TM9SF4: variants seen among roughly 807,000 people sequenced by gnomAD.
TM9SF4 encodes transmembrane 9 superfamily member 4.
Under a neutral mutation model 90.4 loss-of-function variants are expected in TM9SF4, and 26 were observed. That is an observed-to-expected ratio of 0.29 (90% confidence interval 0.21 to 0.40). The LOEUF (loss-of-function observed/expected upper bound fraction) is 0.40, where lower values mean the gene tolerates loss of function less well. Among genes scored for constraint, TM9SF4 ranks in the 10% least tolerant of loss-of-function variants. The pLI is 1.00. For missense variants in TM9SF4, 549 were observed against 834.8 expected (o/e 0.66, Z 4.22); for synonymous variants, 293 against 315.4 (o/e 0.93, Z 0.75).
chr20:32,116,568 T>C (rs1418355892), intron 1 of TM9SF4: 1 of 152,286 alleles, frequency 6.6e-6, no homozygotes, highest in African/African-American at 2.4e-5. Context: ...GTCTTTCATG[T>C]GTCTCTGTTC....
At chr20:32,163,268 A>AAAAAAATATATATATAT (rs1555886757) in intron 17 of TM9SF4, among the ~76,000 whole-genome samples, 1 of 74,478 alleles carries the variant, frequency 1.3e-5, no homozygotes, top group Non-Finnish European at 2.5e-5. Flanking sequence ...AAAAAAAAAA[A>AAAAAAATATATATATAT]ATATATATAT....
rs540170029 is a variant in TM9SF4, at chr20:32,144,331, C to CA, written c.653-759dup. Among the ~76,000 whole-genome samples the CA allele has an allele frequency of 1.6e-4, 25 of 152,322 alleles. No homozygotes were observed. The East Asian group carries it at 2.5e-3, about 15-fold the overall frequency. On this transcript the variant is annotated intron_variant, in intron 6 of 17. Coordinates refer to ENST00000398022, the MANE Select transcript of TM9SF4 (RefSeq NM_014742.4). ...GTTGGTTGAATGAGTAGATGGATAA[C>CA]AGGATGAACAGATGAGCAAATGAAT...
intron 1 of TM9SF4, among the ~76,000 whole-genome samples, chr20:32,121,038 C>A (rs1053730236): frequency 6.6e-6 from 1 of 152,056 alleles, no homozygotes. Context: ...AGAATTTTTT[C>A]ATCTGTTCAT....
intron 6 of TM9SF4, among the ~76,000 whole-genome samples, chr20:32,143,349 G>A (rs1438930664): frequency 6.6e-6 from 1 of 152,216 alleles, no homozygotes; most frequent in Admixed American, 6.5e-5. Context: ...CAGGAGGTAC[G>A]TGATGATTAC....
In TM9SF4 at chr20:32,159,766, A is replaced by G. The variant is rs911305306; in HGVS notation, c.1570-226A>G. 16 of 569,522 alleles carry G rather than the reference A, an allele frequency of 2.8e-5. No homozygotes were observed. In the African/African-American group the frequency reaches 3.0e-4, roughly 11 times the overall value. The allele number at this position is 569,522 out of a possible 1,614,324, so 35.3% of individuals were successfully genotyped here. ...TTATTTTCTACAAGCTGCTGAGTTC[A>G]GGCTGGGGTCTACCCAGAGCAGGTC... On this transcript the variant is annotated intron_variant, in intron 15 of 17. Coordinates refer to ENST00000398022, the MANE Select transcript of TM9SF4 (RefSeq NM_014742.4).
intron 8 of TM9SF4, among the ~76,000 whole-genome samples, chr20:32,146,184 TGTTAA>T (rs1167866596): frequency 2.0e-5 from 3 of 152,050 alleles, no homozygotes; most frequent in Non-Finnish European, 2.9e-5. Context: ...GGCCCGAAAA[TGTTAA>T]GTGAACTCAA....
At chr20:32,161,161 T>G in intron 16 of TM9SF4, 115 bp from the exon 17 acceptor site, 1 of 764,488 alleles carries the variant, frequency 1.3e-6, no homozygotes, top group Non-Finnish European at 2.2e-6. Flanking sequence ...AACATTTCCA[T>G]CACCCCATAT....
At chr20:32,145,014 G>C in intron 6 of TM9SF4, 77 bp from the exon 7 acceptor site, 1 of 1,417,974 alleles carries the variant, frequency 7.1e-7, no homozygotes, top group African/African-American at 1.4e-5. Context: ...AGGCAGCCTT[G>C]AGGGCAGCCC....
Position 32,112,536 on chromosome 20 carries a change from A to G in TM9SF4, c.15+2781A>G, listed in dbSNP as rs117802617. 3.7e-3 allele frequency among the ~76,000 whole-genome samples: 567 copies of G among 152,222 alleles called. 1 individual carries two copies. The highest frequency in any genetic ancestry group is 0.017 in the Middle Eastern group (5 of 292). On this transcript the variant is annotated intron_variant, in intron 1 of 17. Coordinates refer to ENST00000398022, the MANE Select transcript of TM9SF4 (RefSeq NM_014742.4). ...CATGGCGAAACCCTGTCTTCTAAAA[A>G]TACAAAAATTAGCAGGGTGTGGTGG... is the stretch of plus-strand genomic sequence containing the variant.
chr20:32,129,764 T>C (rs1241226397), intron 1 of TM9SF4, among the ~76,000 whole-genome samples: 5 of 152,128 alleles, frequency 3.3e-5, no homozygotes, highest in African/African-American at 1.2e-4. Context: ...TTTGTTCTTT[T>C]AGTAGAGATG....
intron 13 of TM9SF4, 75 bp downstream of exon 13, chr20:32,155,261 G>A (rs975054122): frequency 8.4e-7 from 1 of 1,186,474 alleles, no homozygotes. Flanking sequence ...ACTCCCAAAA[G>A]CCACTTCCTG....
chr20:32,120,415 G>A (rs993385101), intron 1 of TM9SF4, among the ~76,000 whole-genome samples: 2 of 61,946 alleles, frequency 3.2e-5, no homozygotes, highest in African/African-American at 1.5e-4. Flanking sequence ...TTTTTTTTTA[G>A]TTTTAGTTTT....
At chr20:32,164,621 G>A (rs1334529184) in intron 17 of TM9SF4, among the ~76,000 whole-genome samples, 2 of 152,162 alleles carry the variant, frequency 1.3e-5, no homozygotes, top group African/African-American at 4.8e-5. Context: ...TGTTTTCTTT[G>A]TTTCTTTACT....
intron 1 of TM9SF4, among the ~76,000 whole-genome samples, chr20:32,122,040 A>C (rs1264342278): frequency 5.7e-5 from 5 of 88,314 alleles, no homozygotes; most frequent in Admixed American, 1.2e-4. Flanking sequence ...TGACCCCCCC[A>C]CCTCCCTCCG....
At chr20:32,122,200 C>T (rs1195994218) in intron 1 of TM9SF4, among the ~76,000 whole-genome samples, 9 of 100,590 alleles carry the variant, frequency 8.9e-5, no homozygotes, top group African/African-American at 3.1e-4. Context: ...CTGGCCGGGC[C>T]GGGGGCTGAT....
At chr20:32,142,020 T>G (rs1350630017) in intron 5 of TM9SF4, 125 bp downstream of exon 5, 3 of 1,491,328 alleles carry the variant, frequency 2.0e-6, no homozygotes, top group Admixed American at 3.8e-5. Context: ...GGCATGATGG[T>G]CTGTCAGAGG....
intron 9 of TM9SF4, among the ~76,000 whole-genome samples, chr20:32,147,532 T>A (rs376667454): frequency 4.1e-4 from 63 of 152,164 alleles, no homozygotes; most frequent in African/African-American, 1.5e-3. Context: ...TTTAAAGAAT[T>A]CATGCAAAAT....
intron 1 of TM9SF4, among the ~76,000 whole-genome samples, chr20:32,132,521 C>T (rs1600804295): frequency 6.6e-6 from 1 of 152,220 alleles, no homozygotes; most frequent in Non-Finnish European, 1.5e-5. Context: ...CAAGGAGGCC[C>T]GTGTGGCTGA....
At chr20:32,149,826 G>T in intron 10 of TM9SF4, 60 bp downstream of exon 10, 1 of 1,598,430 alleles carries the variant, frequency 6.3e-7, no homozygotes. Flanking sequence ...GGTGCCTCAA[G>T]GAGAGAAGGG....
Sources: gnomAD v4.1 joint callset for allele counts (sites outside exome capture counted in the v4.1 genomes callset) on GRCh38, gnomAD v4.1.1 for gene constraint, MANE v1.5 for transcripts, NCBI Gene and HGNC (gene_info 2026-07-23, HGNC 2026-07-21) for gene names.